CLVS1: variants seen among roughly 807,000 people sequenced by gnomAD.
CLVS1 encodes the protein clavesin 1.
CLVS1 carries 10 observed loss-of-function variants against 33.1 expected under a neutral mutation model. That is an observed-to-expected ratio of 0.30 (90% CI 0.19 to 0.51). The LOEUF (loss-of-function observed/expected upper bound fraction) is 0.51. Among genes scored for constraint, CLVS1 ranks in the 20% least tolerant of loss-of-function variants. The pLI is 0.97. For synonymous variants in CLVS1, 163 were observed against 166.1 expected (o/e 0.98, Z 0.14); for missense variants, 343 against 433.4 (o/e 0.79, Z 1.85).
intron 2 of CLVS1, among the ~76,000 whole-genome samples, chr8:61,248,434 T>G (rs985649935): frequency 3.3e-5 from 5 of 152,154 alleles, no homozygotes; most frequent in African/African-American, 1.2e-4. Flanking sequence ...GGGATGCTTT[T>G]CCATTTGTTT....
chr8:61,318,040 TAAC>T (rs1313789551), intron 2 of CLVS1, among the ~76,000 whole-genome samples: 4 of 152,328 alleles, frequency 2.6e-5, no homozygotes, highest in East Asian at 1.9e-4. Flanking sequence ...TAAACTCTCT[TAAC>T]AACCTGTGTA....
intron 2 of CLVS1, among the ~76,000 whole-genome samples, chr8:61,365,933 C>T (rs113212868): frequency 0.019 from 2,827 of 152,178 alleles, 32 homozygotes; most frequent in African/African-American, 0.029. Flanking sequence ...ATGGCCAAAA[C>T]GGAAGTGCTT....
At chr8:61,429,953 AG>A in intron 3 of CLVS1, among the ~76,000 whole-genome samples, 1 of 152,322 alleles carries the variant, frequency 6.6e-6, no homozygotes, top group Non-Finnish European at 1.5e-5. Context: ...CTAAGTTAAA[AG>A]CACAAACAGT....
At chr8:61,056,854 G>A (rs1804480105), upstream of CLVS1, among the ~76,000 whole-genome samples, 1 of 152,192 alleles carries the variant, frequency 6.6e-6, no homozygotes, top group African/African-American at 2.4e-5. Flanking sequence ...ACAGAGCACA[G>A]TGCCTGACAG....
intron 1 of CLVS1, among the ~76,000 whole-genome samples, chr8:61,093,175 A>C (rs543331935): frequency 1.3e-5 from 2 of 152,220 alleles, no homozygotes; most frequent in Admixed American, 6.5e-5. Flanking sequence ...AGCTATATAC[A>C]TCTTTATGAT....
intron 3 of CLVS1, among the ~76,000 whole-genome samples, chr8:61,423,685 G>A (rs191975711): frequency 2.0e-5 from 3 of 152,254 alleles, no homozygotes; most frequent in Admixed American, 6.5e-5. Flanking sequence ...TTATATCTGT[G>A]CTCCAAATTC....
chr8:61,485,958 C>T (rs1316302546), intron 5 of CLVS1, among the ~76,000 whole-genome samples: 3 of 151,502 alleles, frequency 2.0e-5, no homozygotes, highest in Non-Finnish European at 4.4e-5. Context: ...GGGGTGGGGG[C>T]AGTGGGGAGG....
At chr8:61,006,749 C>T in the CLVS1 span, among the ~76,000 whole-genome samples, 1 of 152,244 alleles carries the variant, frequency 6.6e-6, no homozygotes, top group Non-Finnish European at 1.5e-5. Context: ...GAAGCCTGAG[C>T]CTGCTCTGTT....
intron 3 of CLVS1, among the ~76,000 whole-genome samples, chr8:61,393,988 C>CCTCCTGTA (rs1438093652): frequency 1.3e-5 from 2 of 152,190 alleles, no homozygotes; most frequent in African/African-American, 2.4e-5. Context: ...CCCACTGGTA[C>CCTCCTGTA]CTCAGCCTGT....
chr8:61,054,342 G>A (rs1804438379), upstream of CLVS1, among the ~76,000 whole-genome samples: 1 of 152,328 alleles, frequency 6.6e-6, no homozygotes, highest in South Asian at 2.1e-4. Flanking sequence ...CGTGACCCAA[G>A]AGGTGGCATC....
At chr8:61,157,879 G>A (rs1806680611) in intron 2 of CLVS1, among the ~76,000 whole-genome samples, 1 of 152,000 alleles carries the variant, frequency 6.6e-6, no homozygotes, top group Admixed American at 6.6e-5. Flanking sequence ...GAAAGAATAT[G>A]AGCCAATCAG....
chr8:61,009,764 GC>G, the CLVS1 span, among the ~76,000 whole-genome samples: 1 of 152,186 alleles, frequency 6.6e-6, no homozygotes, highest in African/African-American at 2.4e-5. Context: ...CAGAGACACT[GC>G]CGATGGGGTG....
chr8:61,062,158 TG>T (rs1200202867), intron 1 of CLVS1, among the ~76,000 whole-genome samples: 3 of 152,224 alleles, frequency 2.0e-5, no homozygotes, highest in African/African-American at 7.2e-5. Flanking sequence ...ACCCCTGGGA[TG>T]CTACTCCATG....
intron 2 of CLVS1, among the ~76,000 whole-genome samples, chr8:61,349,289 C>G (rs1585838854): frequency 6.6e-6 from 1 of 151,882 alleles, no homozygotes; most frequent in Non-Finnish European, 1.5e-5. Flanking sequence ...AAATTATTGC[C>G]CAGACTCATT....
intron 2 of CLVS1, among the ~76,000 whole-genome samples, chr8:61,303,344 C>T (rs1212617822): frequency 2.0e-5 from 3 of 152,172 alleles, no homozygotes; most frequent in Admixed American, 6.5e-5. Flanking sequence ...AATTACTTCA[C>T]CTCTCTATTT....
chr8:61,002,259 G>C, the CLVS1 span, among the ~76,000 whole-genome samples: 3 of 150,760 alleles, frequency 2.0e-5, no homozygotes, highest in African/African-American at 7.3e-5. Context: ...TGGGATTACA[G>C]ACAAGAGCAA....
At chr8:61,050,512 C>A in the CLVS1 span, among the ~76,000 whole-genome samples, 1 of 152,232 alleles carries the variant, frequency 6.6e-6, no homozygotes, top group African/African-American at 2.4e-5. Context: ...CAGAGAGTCA[C>A]ACAAGGCAGG....
intron 2 of CLVS1, among the ~76,000 whole-genome samples, chr8:61,365,754 G>GGTGTGTGT (rs35496931): frequency 6.7e-6 from 1 of 148,496 alleles, no homozygotes; most frequent in Non-Finnish European, 1.5e-5. Flanking sequence ...CAGTTTACAG[G>GGTGTGTGT]GTGTGTGTGT....
At chr8:61,039,410 C>A in the CLVS1 span, among the ~76,000 whole-genome samples, 1 of 152,248 alleles carries the variant, frequency 6.6e-6, no homozygotes, top group Non-Finnish European at 1.5e-5. Context: ...CTGTGGCTCA[C>A]TACCTGTCCA....
Sources: gnomAD v4.1 joint callset for allele counts (sites outside exome capture counted in the v4.1 genomes callset) on GRCh38, gnomAD v4.1.1 for gene constraint, MANE v1.5 for transcripts, NCBI Gene and HGNC (gene_info 2026-07-23, HGNC 2026-07-21) for gene names.